PARVG: variants seen among roughly 807,000 people sequenced by gnomAD.
The protein encoded by PARVG is parvin gamma.
PARVG carries 36 observed loss-of-function variants against 44.4 expected under a neutral mutation model. That is an observed-to-expected ratio of 0.81 (90% confidence interval 0.62 to 1.07). The LOEUF (loss-of-function observed/expected upper bound fraction) is 1.07, where lower values mean the gene tolerates loss of function less well. Among genes scored for constraint, PARVG ranks in the 50% least tolerant of loss-of-function variants. The probability of loss-of-function intolerance (pLI) is 0.00; values close to 1 mark genes in which losing one functional copy is unlikely to be tolerated. For synonymous variants in PARVG, 170 were observed against 174.1 expected, an observed-to-expected ratio of 0.98 and a Z score of 0.19; for missense variants, 407 against 407.4, an observed-to-expected ratio of 1.00 and a Z score of 0.01.
rs994458917 is a variant in PARVG, at chr22:44,188,525, C to T, written c.248-589C>T. The T allele has an allele frequency of 3.7e-5, 6 of 162,338 alleles. No homozygotes were observed. The East Asian group carries it at 8.5e-4, about 23-fold the overall frequency. The allele number at this position is 162,338 out of a possible 1,614,324, so 10.1% of individuals were successfully genotyped here. ...TGAGGCCAGCCTCTGCAGTGTTCGCCGAGCTCTTTGGAGATGGGCTGCACA... is the reference window on the plus strand; with the variant it reads ...TGAGGCCAGCCTCTGCAGTGTTCGCTGAGCTCTTTGGAGATGGGCTGCACA... On this transcript the variant is annotated intron_variant, in intron 5 of 13. Coordinates refer to ENST00000444313, the MANE Select transcript of PARVG (RefSeq NM_022141.7).
At chr22:44,183,950 C>G (rs2054424886) in intron 3 of PARVG, 1 of 264,242 alleles carries the variant, frequency 3.8e-6, no homozygotes, top group Non-Finnish European at 7.1e-6. Context: ...ACGTGTGGGT[C>G]CCTTTCAAAA....
chr22:44,197,073 C>A (rs2054628687), intron 11 of PARVG, among the ~76,000 whole-genome samples: 1 of 152,130 alleles, frequency 6.6e-6, no homozygotes. Context: ...TGCCAGTGGC[C>A]TGAATGGGAC....
At chr22:44,205,168 G>C (rs1051114319) in intron 12 of PARVG, among the ~76,000 whole-genome samples, 7 of 152,212 alleles carry the variant, frequency 4.6e-5, no homozygotes, top group African/African-American at 1.4e-4. Context: ...CACCTGGGTG[G>C]GGACCGCTCC....
At chr22:44,192,470 C>T (rs1318823639) in intron 8 of PARVG, among the ~76,000 whole-genome samples, 7 of 152,212 alleles carry the variant, frequency 4.6e-5, no homozygotes, top group African/African-American at 1.7e-4. Context: ...AGGGGCTGGC[C>T]GTCTTGCTGC....
intron 4 of PARVG, chr22:44,187,291 T>TTTTTTTAA: frequency 5.5e-6 from 1 of 183,308 alleles, no homozygotes; most frequent in Non-Finnish European, 1.2e-5. Flanking sequence ...CCCAGATCTG[T>TTTTTTTAA]GGATGCATCA....
rs1165926261 is a variant in PARVG at position 44,190,588 on chromosome 22, CCTTGTGGCCCTGGCCAAGCG to C, written c.430_449del (p.Val144ProfsTer35). 19 of 1,614,220 alleles carry C rather than the reference CCTTGTGGCCCTGGCCAAGCG, an allele frequency of 1.2e-5. No homozygotes were observed. The highest frequency in any genetic ancestry group is 1.5e-5 in the Non-Finnish European group (18 of 1,180,034). ...AGGACCTGTTGTCTACCCTGCACCT[CCTTGTGGCCCTGGCCAAGCG>C]CTTCCAGCCCGACCTCTCCCTCCCA... On this transcript the variant is annotated frameshift_variant, in exon 7 of 14. Transcript: ENST00000444313. LOFTEE classifies it high-confidence loss of function.
In PARVG at chr22:44,183,327, G is replaced by T; in HGVS notation, c.-3G>T. 1 of 1,608,800 alleles carries T rather than the reference G, an allele frequency of 6.2e-7. No homozygotes were observed. Among genetic ancestry groups the T allele is most frequent in the Non-Finnish European group, 8.5e-7 (1 of 1,178,532 alleles). ...TGCCTCCTCTGTGCAGGCTTGGGAG[G>T]CGATGGAGCCGGAGTTCTTGTACGA... On this transcript the variant is annotated 5_prime_UTR_variant, in exon 3 of 14. Transcript: ENST00000444313.
At chr22:44,173,387 G>A (rs919186527) in intron 1 of PARVG, among the ~76,000 whole-genome samples, 8 of 152,150 alleles carry the variant, frequency 5.3e-5, no homozygotes, top group African/African-American at 1.4e-4. Flanking sequence ...CCTGTGTGGC[G>A]GAGATGGTGG....
intron 1 of PARVG, among the ~76,000 whole-genome samples, chr22:44,174,124 G>C (rs1030051457): frequency 6.6e-6 from 1 of 152,180 alleles, no homozygotes; most frequent in Admixed American, 6.5e-5. Flanking sequence ...CAAGGCTGGG[G>C]CAAGTGGCCA....
At chr22:44,188,221 G>A in intron 5 of PARVG, 1 of 287,880 alleles carries the variant, frequency 3.5e-6, no homozygotes, top group Non-Finnish European at 6.8e-6. Context: ...GGCTGCCCTA[G>A]GCTGCTAGAG....
intron 8 of PARVG, among the ~76,000 whole-genome samples, chr22:44,192,566 C>T (rs1015687990): frequency 5.9e-5 from 9 of 151,810 alleles, no homozygotes; most frequent in African/African-American, 9.7e-5. Context: ...GGGGGTGTGG[C>T]CATCCTGCTC....
chr22:44,183,338 G>A lies in PARVG; in HGVS notation c.9G>A (p.Pro3=), dbSNP rs781449406. ME[P]EFLYDLLQLP... is the part of the protein sequence containing the mutation. ...TGCAGGCTTGGGAGGCGATGGAGCC[G>A]GAGTTCTTGTACGACCTGCTGCAGC... Residue 3 remains proline, a synonymous_variant, in exon 3 of 14, where the codon CCG becomes CCA. Transcript: ENST00000444313. 13 of 1,609,574 alleles carry A rather than the reference G, an allele frequency of 8.1e-6. No individual in the cohort carries two copies. The highest frequency in any genetic ancestry group is 1.7e-4 in the Middle Eastern group (1 of 5,874).
chr22:44,198,825 G>C (rs1251698244), intron 12 of PARVG, 103 bp downstream of exon 12: 2 of 894,298 alleles, frequency 2.2e-6, no homozygotes, highest in African/African-American at 3.3e-5. Context: ...GAAGTGAAGG[G>C]TGTAGGGGAA....
chr22:44,200,767 C>G (rs938216282), intron 12 of PARVG, among the ~76,000 whole-genome samples: 2 of 152,204 alleles, frequency 1.3e-5, no homozygotes, highest in Non-Finnish European at 2.9e-5. Flanking sequence ...ATGCTCAGGG[C>G]GTCCTTGGCC....
chr22:44,181,459 G>C (rs540645775), intron 1 of PARVG: 1 of 928,794 alleles, frequency 1.1e-6, no homozygotes, highest in South Asian at 4.9e-5. Flanking sequence ...CGGGATGGAG[G>C]GTGGAGGCCA....
At chr22:44,198,543 G>A (rs1401260010) in intron 11 of PARVG, 78 bp from the exon 12 acceptor site, 2 of 1,090,980 alleles carry the variant, frequency 1.8e-6, no homozygotes, top group East Asian at 4.7e-5. Flanking sequence ...CTTCCTTAGG[G>A]CCACACAGCC....
intron 7 of PARVG, among the ~76,000 whole-genome samples, chr22:44,190,900 G>A (rs567195149): frequency 9.8e-5 from 15 of 152,316 alleles, no homozygotes; most frequent in Admixed American, 2.6e-4. Context: ...GGAGGTCCAC[G>A]GCTGGCCAGC....
intron 12 of PARVG, among the ~76,000 whole-genome samples, chr22:44,199,066 C>A (rs891622164): frequency 3.3e-5 from 5 of 151,114 alleles, no homozygotes; most frequent in African/African-American, 1.2e-4. Flanking sequence ...GTTCACCTAC[C>A]AAGCCACCCA....
At position 44,206,452 on chromosome 22, in the gene PARVG, C is replaced by G. The variant is rs1044591520; in HGVS notation, c.*26C>G. ...CCCTCACTGCCTCCAAAGCCCAGAG[C>G]CTGCCTGTCAGCCCAGCTGGAGGGC... On this transcript the variant is annotated 3_prime_UTR_variant, in exon 14 of 14. Transcript: ENST00000444313. 1.2e-6 allele frequency: 2 copies of G among 1,606,148 alleles called. No homozygotes were observed. The highest frequency in any genetic ancestry group is 1.7e-6 in the Non-Finnish European group (2 of 1,173,086).
Sources: allele counts gnomAD v4.1 joint callset (sites outside exome capture counted in the v4.1 genomes callset), GRCh38; gene constraint gnomAD v4.1.1; transcripts MANE v1.5; gene names NCBI Gene and HGNC (gene_info 2026-07-23, HGNC 2026-07-21).